Variants in NHS observed in about 807,000 individuals in gnomAD.
NHS encodes the protein actin remodeling regulator NHS.
In NHS, 5 loss-of-function variants were observed where a neutral mutation model predicts 72.5. The observed-to-expected ratio is 0.07, with a 90% CI of 0.04 to 0.14. The LOEUF (loss-of-function observed/expected upper bound fraction) is 0.14. Among genes scored for constraint, NHS ranks in the 10% least tolerant of loss-of-function variants. The pLI, the probability that NHS is intolerant of heterozygous loss-of-function variation, is 1.00. For missense variants in NHS, 1,072 were observed against 1,355.7 expected (o/e 0.79, Z 3.29); for synonymous variants, 464 against 547.7 (o/e 0.85, Z 2.13).
intron 1 of NHS, among the ~76,000 whole-genome samples, chrX:17,588,220 G>T (rs892699397): frequency 9.0e-6 from 1 of 111,318 alleles, no homozygotes; most frequent in African/African-American, 3.3e-5. Context: ...GTGCAGTATG[G>T]TAGGAGATCT....
intron 1 of NHS, among the ~76,000 whole-genome samples, chrX:17,540,715 C>T (rs1365354468): frequency 8.9e-6 from 1 of 112,330 alleles, no homozygotes; most frequent in Admixed American, 9.4e-5. Flanking sequence ...TAGGGCAAAA[C>T]ACAAGTCATT....
chrX:17,483,308 CAA>C (rs1424709837), intron 1 of NHS, among the ~76,000 whole-genome samples: 1 of 111,695 alleles, frequency 9.0e-6, no homozygotes, highest in African/African-American at 3.3e-5. Flanking sequence ...CATTAAATAA[CAA>C]GAGTTAGTGG....
chrX:17,429,363 G>T (rs2064675822), intron 1 of NHS, among the ~76,000 whole-genome samples: 5 of 111,414 alleles, frequency 4.5e-5, no homozygotes, highest in Admixed American at 9.5e-5. Flanking sequence ...GCGTCATCAA[G>T]TATTCCTGCG....
At chrX:17,470,378 T>C (rs770065401) in intron 1 of NHS, among the ~76,000 whole-genome samples, 1 of 111,761 alleles carries the variant, frequency 8.9e-6, no homozygotes, top group African/African-American at 3.3e-5. Context: ...GTTTACTCTT[T>C]GGGTTTTTGT....
intron 1 of NHS, among the ~76,000 whole-genome samples, chrX:17,404,369 T>C (rs1334209344): frequency 9.0e-6 from 1 of 110,830 alleles, no homozygotes; most frequent in Non-Finnish European, 1.9e-5. Context: ...GTAAGGAGGG[T>C]GGGATCCGGG....
At chrX:17,509,145 C>A (rs1409660432) in intron 1 of NHS, among the ~76,000 whole-genome samples, 1 of 111,806 alleles carries the variant, frequency 8.9e-6, no homozygotes, top group Admixed American at 9.5e-5. Flanking sequence ...TGCTCTCCAG[C>A]AAATGGTGGT....
intron 1 of NHS, among the ~76,000 whole-genome samples, chrX:17,570,654 C>G (rs1000341034): frequency 1.3e-4 from 15 of 111,605 alleles, no homozygotes; most frequent in Non-Finnish European, 2.1e-4. Flanking sequence ...ATCTGAATAC[C>G]CTTTATTGCT....
At chrX:17,389,868 C>T (rs113109979) in intron 1 of NHS, among the ~76,000 whole-genome samples, 3 of 110,139 alleles carry the variant, frequency 2.7e-5, no homozygotes, top group African/African-American at 1.0e-4. Context: ...TCCCAAAGTG[C>T]TGGGATTACA....
intron 1 of NHS, among the ~76,000 whole-genome samples, chrX:17,400,418 T>C (rs2064497757): frequency 9.0e-6 from 1 of 110,874 alleles, no homozygotes; most frequent in African/African-American, 3.3e-5. Context: ...AAACCTCGTC[T>C]CTACTAAAAA....
At chrX:17,381,485 C>T (rs2064377862) in intron 1 of NHS, among the ~76,000 whole-genome samples, 1 of 111,786 alleles carries the variant, frequency 8.9e-6, no homozygotes, top group Non-Finnish European at 1.9e-5. Context: ...AAAGTAACAA[C>T]TCTCCCAATT....
chrX:17,727,559 A>G lies in NHS; in HGVS notation c.3453A>G (p.Glu1151=). ...TTAGGTCCATCAACAAGTCTGAAGA[A>G]GTTAAGCAAAAAGAAGAAAACAATA... The part of the protein sequence containing the change: ...VNLRSINKSE[E]VKQKEENNTD... Residue 1151 remains glutamate (E), a synonymous_variant, in exon 7 of 9, where the codon GAA becomes GAG. Coordinates refer to ENST00000676302, the MANE Select transcript of NHS (RefSeq NM_001291867.2). 1 of 1,211,962 alleles carries G rather than the reference A, an allele frequency of 8.3e-7. No homozygotes were observed. The highest frequency in any genetic ancestry group is 1.1e-6 in the Non-Finnish European group (1 of 895,553).
chrX:17,591,655 G>A lies in NHS; in HGVS notation c.566-96087G>A, dbSNP rs763102431. Among the ~76,000 whole-genome samples the A allele has an allele frequency of 2.0e-4, 22 of 111,303 alleles. No homozygotes were observed. In the South Asian group the frequency reaches 6.8e-3, roughly 35 times the overall value. ...GGTGCACCAACTAATGTGTGACCCC[G>A]GATCACACTGCTTGCCCCACAAATC... On this transcript the variant is annotated intron_variant, in intron 1 of 8. Coordinates refer to ENST00000676302, the MANE Select transcript of NHS (RefSeq NM_001291867.2).
chrX:17,647,543 T>C (rs2065911469), intron 1 of NHS, among the ~76,000 whole-genome samples: 1 of 112,085 alleles, frequency 8.9e-6, no homozygotes, highest in African/African-American at 3.2e-5. Flanking sequence ...TTTCCCTCTC[T>C]CCCACCTGTG....
chrX:17,378,619 G>T (rs181695268), intron 1 of NHS, among the ~76,000 whole-genome samples: 1 of 112,052 alleles, frequency 8.9e-6, no homozygotes, highest in Non-Finnish European at 1.9e-5. Context: ...AGCACAGAGA[G>T]GGGGTAGGGA....
intron 1 of NHS, among the ~76,000 whole-genome samples, chrX:17,618,958 A>AT (rs1280445968): frequency 1.8e-5 from 2 of 112,163 alleles, no homozygotes; most frequent in Non-Finnish European, 3.8e-5. Context: ...TCCATTCTGT[A>AT]TTTTTTCACA....
intron 1 of NHS, among the ~76,000 whole-genome samples, chrX:17,627,805 C>T (rs775189721): frequency 1.6e-4 from 18 of 112,189 alleles, no homozygotes; most frequent in Non-Finnish European, 2.4e-4. Flanking sequence ...TAGAAAACCC[C>T]ATGGTTTCTC....
At chrX:17,685,599 CT>C (rs201449362) in intron 1 of NHS, among the ~76,000 whole-genome samples, 5,248 of 109,596 alleles carry the variant, frequency 0.048, 306 homozygotes, top group African/African-American at 0.16. Flanking sequence ...CCAAAAAATG[CT>C]TTTTTTTTCA....
chrX:17,574,502 C>T (rs1016296300), intron 1 of NHS, among the ~76,000 whole-genome samples: 11 of 112,347 alleles, frequency 9.8e-5, no homozygotes, highest in Non-Finnish European at 1.7e-4. Flanking sequence ...TGGGACCCAC[C>T]GAGCCAGACA....
intron 1 of NHS, among the ~76,000 whole-genome samples, chrX:17,377,247 T>C (rs1185984549): frequency 1.8e-4 from 20 of 112,718 alleles, no homozygotes. Flanking sequence ...GCGTCTTTGC[T>C]GTCCGTTGAC....
Sources: gnomAD v4.1 joint callset for allele counts (sites outside exome capture counted in the v4.1 genomes callset) on GRCh38, gnomAD v4.1.1 for gene constraint, MANE v1.5 for transcripts, NCBI Gene and HGNC (gene_info 2026-07-23, HGNC 2026-07-21) for gene names.